Variants in IQSEC1 observed in about 807,000 individuals in gnomAD.
The protein encoded by IQSEC1 is IQ motif and SEC7 domain-containing protein 1.
A neutral mutation model predicts 91.0 loss-of-function variants in IQSEC1; 31 were observed. The observed-to-expected ratio is 0.34, with a 90% CI of 0.26 to 0.46. The LOEUF (loss-of-function observed/expected upper bound fraction) is 0.46, where lower values mean the gene tolerates loss of function less well. IQSEC1 is among the 20% of genes least tolerant of loss of function. The probability of loss-of-function intolerance (pLI) is 1.00; values close to 1 mark genes in which losing one functional copy is unlikely to be tolerated. For missense variants in IQSEC1, 1,388 were observed against 1,575.6 expected (o/e 0.88, Z 2.02); for synonymous variants, 699 against 662.6 (o/e 1.05, Z -0.84).
intron 1 of IQSEC1, among the ~76,000 whole-genome samples, chr3:13,231,941 T>C (rs1559282215): frequency 6.6e-6 from 1 of 152,240 alleles, no homozygotes; most frequent in Non-Finnish European, 1.5e-5. Flanking sequence ...GCAGTCACAT[T>C]CTGGTGCTCC....
intron 6 of IQSEC1, 93 bp downstream of exon 6, chr3:12,920,337 A>C: frequency 7.9e-7 from 1 of 1,266,890 alleles, no homozygotes; most frequent in Non-Finnish European, 1.1e-6. Flanking sequence ...CCCCAACTGG[A>C]GGTTGCCTCA....
chr3:12,952,497 C>T (rs12634493), intron 1 of IQSEC1, among the ~76,000 whole-genome samples: 29,771 of 152,182 alleles, frequency 0.2, 4,134 homozygotes, highest in East Asian at 0.74. Context: ...TCTCCAGGCT[C>T]TTCTAGCCTC....
At chr3:13,163,436 A>AC (rs1359841774) in intron 2 of IQSEC1, among the ~76,000 whole-genome samples, 1 of 151,734 alleles carries the variant, frequency 6.6e-6, no homozygotes, top group African/African-American at 2.4e-5. Flanking sequence ...CACCATGCTG[A>AC]CCCCCATCTC....
At chr3:13,235,248 G>A (rs1694908080) in intron 1 of IQSEC1, among the ~76,000 whole-genome samples, 1 of 152,152 alleles carries the variant, frequency 6.6e-6, no homozygotes, top group African/African-American at 2.4e-5. Context: ...CAGCTCTCCA[G>A]GGAGCCACTG....
intron 1 of IQSEC1, among the ~76,000 whole-genome samples, chr3:13,243,583 G>A (rs905818236): frequency 6.6e-6 from 1 of 152,230 alleles, no homozygotes; most frequent in African/African-American, 2.4e-5. Context: ...CACCCCAGTA[G>A]AAGCTGAGGT....
At chr3:13,273,926 A>G (rs1695631583) in intron 1 of IQSEC1, among the ~76,000 whole-genome samples, 1 of 152,030 alleles carries the variant, frequency 6.6e-6, no homozygotes, top group Admixed American at 6.5e-5. Flanking sequence ...CTGCACCTCA[A>G]CCACGCCGCC....
chr3:13,164,242 C>T (rs1410133361), intron 1 of IQSEC1, among the ~76,000 whole-genome samples: 1 of 152,182 alleles, frequency 6.6e-6, no homozygotes, highest in East Asian at 1.9e-4. Context: ...CCCAGCATCC[C>T]CTCCCCAGCC....
At chr3:12,982,877 G>A (rs1398678845) in intron 1 of IQSEC1, among the ~76,000 whole-genome samples, 1 of 152,248 alleles carries the variant, frequency 6.6e-6, no homozygotes, top group Non-Finnish European at 1.5e-5. Flanking sequence ...GGAAACCGAG[G>A]CTGTTTGAGA....
At position 12,935,428 on chromosome 3, in the gene IQSEC1, G is replaced by A; in HGVS notation, c.1568+20C>T. The A allele has an allele frequency of 6.3e-7, 1 of 1,592,106 alleles. No homozygotes were observed. Among genetic ancestry groups the A allele is most frequent in the Non-Finnish European group, 8.6e-7 (1 of 1,164,826 alleles). ...GCAAGCCACAGCTGCCCACCCTGAG[G>A]GGTCACCCATGGTACTCACTTGTTG... On this transcript the variant is annotated intron_variant, in intron 3 of 13. Transcript: ENST00000613206. The surrounding 1 kb of genome is among the most constrained non-coding windows in gnomAD (Gnocchi z 8.0).
At chr3:13,247,062 G>A (rs1695120246) in intron 1 of IQSEC1, among the ~76,000 whole-genome samples, 2 of 152,170 alleles carry the variant, frequency 1.3e-5, no homozygotes, top group Admixed American at 6.5e-5. Context: ...CAGCTGTCTC[G>A]CTGTGGGTGC....
chr3:13,056,426 C>T (rs1704883583), intron 1 of IQSEC1, among the ~76,000 whole-genome samples: 2 of 152,140 alleles, frequency 1.3e-5, no homozygotes, highest in South Asian at 4.1e-4. Context: ...TTTCAGCCTC[C>T]CCTCCTTCAG....
At chr3:13,006,576 C>T (rs186196660) in intron 1 of IQSEC1, among the ~76,000 whole-genome samples, 3 of 152,374 alleles carry the variant, frequency 2.0e-5, no homozygotes, top group Admixed American at 2.0e-4. Context: ...GCACAACTGC[C>T]CAGATCTTCC....
intron 1 of IQSEC1, among the ~76,000 whole-genome samples, chr3:13,228,291 A>T (rs533463458): frequency 2.0e-5 from 3 of 152,222 alleles, no homozygotes; most frequent in African/African-American, 7.2e-5. Flanking sequence ...ATCACTAAAG[A>T]TCCCCATTTA....
chr3:13,010,353 C>T (rs1702826300), intron 1 of IQSEC1, among the ~76,000 whole-genome samples: 1 of 152,170 alleles, frequency 6.6e-6, no homozygotes, highest in Non-Finnish European at 1.5e-5. Context: ...AATGCAGTAC[C>T]GAGCTTGGTC....
chr3:13,277,525 C>T (rs933201731), intron 1 of IQSEC1, among the ~76,000 whole-genome samples: 1 of 152,220 alleles, frequency 6.6e-6, no homozygotes, highest in African/African-American at 2.4e-5. Flanking sequence ...CGGAGACACA[C>T]TCCCTCGTCT....
chr3:13,247,356 C>T (rs1338491040), intron 1 of IQSEC1, among the ~76,000 whole-genome samples: 1 of 152,214 alleles, frequency 6.6e-6, no homozygotes. Context: ...CTGTCATTTC[C>T]TCCATTGCCC....
intron 1 of IQSEC1, among the ~76,000 whole-genome samples, chr3:13,169,151 C>T (rs1261615689): frequency 1.3e-5 from 2 of 152,136 alleles, no homozygotes; most frequent in African/African-American, 4.8e-5. Flanking sequence ...TGGGAGGGAC[C>T]CAGTGGCAGG....
intron 1 of IQSEC1, among the ~76,000 whole-genome samples, chr3:13,170,203 C>T (rs1167898508): frequency 6.6e-6 from 1 of 152,230 alleles, no homozygotes; most frequent in East Asian, 1.9e-4. Context: ...CAGGTTGTGG[C>T]TTCAGAGGGT....
At chr3:13,023,096 G>A (rs1287804439) in intron 1 of IQSEC1, among the ~76,000 whole-genome samples, 1 of 152,224 alleles carries the variant, frequency 6.6e-6, no homozygotes, top group Non-Finnish European at 1.5e-5. Context: ...CTAGGTCACA[G>A]ACCTAGGAAT....
Sources: gnomAD v4.1 joint callset for allele counts (sites outside exome capture counted in the v4.1 genomes callset) on GRCh38, gnomAD v4.1.1 for gene constraint, Gnocchi (gnomAD v3.1) non-coding constraint, MANE v1.5 for transcripts, NCBI Gene and HGNC (gene_info 2026-07-23, HGNC 2026-07-21) for gene names.